Variants in SOX5 observed in about 807,000 individuals in gnomAD.
SOX5 encodes SRY-box transcription factor 5.
Under a neutral mutation model 92.0 loss-of-function variants are expected in SOX5, and 9 were observed. The ratio of observed to expected loss-of-function variants is 0.10; its 90% CI spans 0.06 to 0.17. SOX5 has a LOEUF of 0.17. Among genes scored for constraint, SOX5 ranks in the 10% least tolerant of loss-of-function variants. SOX5 has a pLI of 1.00. For missense variants in SOX5, 642 were observed against 944.5 expected, an observed-to-expected ratio of 0.68 and a Z score of 4.20; for synonymous variants, 344 against 336.3, an observed-to-expected ratio of 1.02 and a Z score of -0.25.
At chr12:23,704,902 A>C (rs1593458135) in intron 6 of SOX5, among the ~76,000 whole-genome samples, 1 of 151,428 alleles carries the variant, frequency 6.6e-6, no homozygotes, top group Non-Finnish European at 1.5e-5. Context: ...TATTTTCATA[A>C]TCATGAATTA....
chr12:23,546,974 A>G (rs1943253750), intron 11 of SOX5, among the ~76,000 whole-genome samples: 1 of 152,180 alleles, frequency 6.6e-6, no homozygotes, highest in East Asian at 1.9e-4. Context: ...TGTACATCCA[A>G]TGTGAGTGCC....
intron 3 of SOX5, among the ~76,000 whole-genome samples, chr12:23,839,163 A>C (rs533904389): frequency 6.6e-6 from 1 of 151,856 alleles, no homozygotes; most frequent in East Asian, 1.9e-4. Context: ...GTATTTCTTA[A>C]TGTCTCCTGC....
At chr12:24,529,593 C>T (rs986783472) in intron 1 of SOX5, among the ~76,000 whole-genome samples, 4 of 152,110 alleles carry the variant, frequency 2.6e-5, no homozygotes, top group Admixed American at 6.5e-5. Flanking sequence ...TGGGAGATAT[C>T]GTCAACACTT....
intron 2 of SOX5, among the ~76,000 whole-genome samples, chr12:24,284,642 T>C (rs1945633813): frequency 1.3e-5 from 2 of 152,188 alleles, no homozygotes; most frequent in Admixed American, 1.3e-4. Context: ...CTCTTCTTGG[T>C]CTACCTCCTG....
At chr12:24,430,938 T>C (rs138972214) in intron 1 of SOX5, among the ~76,000 whole-genome samples, 7 of 152,330 alleles carry the variant, frequency 4.6e-5, no homozygotes, top group African/African-American at 1.4e-4. Context: ...GTCTCTTTAT[T>C]CTTGAAAATT....
At chr12:24,160,025 A>G (rs1278629522) in intron 4 of SOX5, among the ~76,000 whole-genome samples, 1 of 152,050 alleles carries the variant, frequency 6.6e-6, no homozygotes, top group Non-Finnish European at 1.5e-5. Flanking sequence ...CACAAGCAGA[A>G]TCTACTAATT....
intron 4 of SOX5, among the ~76,000 whole-genome samples, chr12:24,190,786 C>A (rs1218689410): frequency 6.6e-6 from 1 of 152,120 alleles, no homozygotes; most frequent in Non-Finnish European, 1.5e-5. Flanking sequence ...TAAGATGCAT[C>A]CCAATCTTAT....
intron 3 of SOX5, among the ~76,000 whole-genome samples, chr12:23,766,381 A>T (rs2094727072): frequency 6.6e-6 from 1 of 152,146 alleles, no homozygotes; most frequent in African/African-American, 2.4e-5. Context: ...CAAGAGCATA[A>T]TAGAATTGAA....
intron 1 of SOX5, among the ~76,000 whole-genome samples, chr12:24,408,859 C>T (rs556111649): frequency 7.9e-5 from 12 of 152,276 alleles, no homozygotes; most frequent in African/African-American, 2.2e-4. Context: ...GAAATAGGAA[C>T]GCTTTTACAC....
chr12:24,155,715 A>G (rs965640775), intron 4 of SOX5, among the ~76,000 whole-genome samples: 1 of 152,168 alleles, frequency 6.6e-6, no homozygotes, highest in African/African-American at 2.4e-5. Flanking sequence ...GTTCAAACCC[A>G]TCTCTTTTCA....
At chr12:23,962,570 C>T (rs912573418) in intron 4 of SOX5, among the ~76,000 whole-genome samples, 46 of 152,090 alleles carry the variant, frequency 3.0e-4, no homozygotes, top group African/African-American at 1.1e-3. Flanking sequence ...ATGGACTAGC[C>T]TCTGCTTTCA....
At chr12:23,766,916 G>A (rs1299870567) in intron 3 of SOX5, among the ~76,000 whole-genome samples, 2 of 151,964 alleles carry the variant, frequency 1.3e-5, no homozygotes, top group African/African-American at 2.4e-5. Context: ...TCTTAAATAA[G>A]GGATTATAAA....
chr12:23,875,826 T>A (rs2096921660), intron 2 of SOX5, among the ~76,000 whole-genome samples: 1 of 152,164 alleles, frequency 6.6e-6, no homozygotes, highest in Non-Finnish European at 1.5e-5. Context: ...GATTTCCCCT[T>A]CAGGCAGTGA....
At chr12:23,952,962 G>A (rs187001100), upstream of SOX5, among the ~76,000 whole-genome samples, 2 of 152,210 alleles carry the variant, frequency 1.3e-5, no homozygotes, top group East Asian at 3.9e-4. Context: ...ATAGTTAGAT[G>A]AAAATCCCAA....
At chr12:24,029,924 G>A (rs1045601815) in intron 4 of SOX5, among the ~76,000 whole-genome samples, 3 of 151,976 alleles carry the variant, frequency 2.0e-5, no homozygotes, top group Non-Finnish European at 4.4e-5. Context: ...CCACATCTAT[G>A]TAGCACTTCA....
At chr12:24,195,989 A>G (rs887385174) in intron 4 of SOX5, among the ~76,000 whole-genome samples, 1 of 152,174 alleles carries the variant, frequency 6.6e-6, no homozygotes, top group African/African-American at 2.4e-5. Context: ...GGTTCAAGCG[A>G]TTCTCCTGCC....
At chr12:24,218,380 G>C (rs1369677452) in intron 3 of SOX5, among the ~76,000 whole-genome samples, 1 of 152,130 alleles carries the variant, frequency 6.6e-6, no homozygotes, top group African/African-American at 2.4e-5. Flanking sequence ...AGTGACAAAA[G>C]ACCATATATT....
chr12:24,225,454 T>A (rs2139852699), intron 3 of SOX5, among the ~76,000 whole-genome samples: 2 of 149,460 alleles, frequency 1.3e-5, no homozygotes, highest in South Asian at 2.2e-4. Flanking sequence ...AAGCCATTAG[T>A]TGAGTAAATT....
At chr12:23,766,299 T>C (rs554421506) in intron 3 of SOX5, among the ~76,000 whole-genome samples, 2 of 152,206 alleles carry the variant, frequency 1.3e-5, no homozygotes, top group East Asian at 3.9e-4. Context: ...ACTACATGGA[T>C]AAGAATAGTA....
Sources: allele counts gnomAD v4.1 joint callset (sites outside exome capture counted in the v4.1 genomes callset), GRCh38; gene constraint gnomAD v4.1.1; transcripts MANE v1.5; gene names NCBI Gene and HGNC (gene_info 2026-07-23, HGNC 2026-07-21).